PEAK1: variants seen among roughly 807,000 people sequenced by gnomAD.
PEAK1 encodes pseudopodium enriched atypical kinase 1.
In PEAK1, 54 loss-of-function variants were observed where a neutral mutation model predicts 124.7. The observed-to-expected ratio is 0.43, with a 90% CI of 0.35 to 0.54. The LOEUF (loss-of-function observed/expected upper bound fraction) is 0.54. Among genes scored for constraint, PEAK1 ranks in the 20% least tolerant of loss-of-function variants. PEAK1 has a pLI of 0.01. For missense variants in PEAK1, 2,046 were observed against 2,134.5 expected, an observed-to-expected ratio of 0.96 and a Z score of 0.82; for synonymous variants, 719 against 760.0, an observed-to-expected ratio of 0.95 and a Z score of 0.89.
At chr15:77,386,034 G>T (rs1170564733) in intron 1 of PEAK1, among the ~76,000 whole-genome samples, 4 of 152,154 alleles carry the variant, frequency 2.6e-5, no homozygotes, top group African/African-American at 9.7e-5. Context: ...TCATAGAACT[G>T]CTATGAGGAT....
chr15:77,295,882 G>A (rs911578866), intron 2 of PEAK1, among the ~76,000 whole-genome samples: 1 of 152,146 alleles, frequency 6.6e-6, no homozygotes, highest in African/African-American at 2.4e-5. Context: ...AGCTTCATCA[G>A]CTAAAGCTTC....
intron 7 of PEAK1, among the ~76,000 whole-genome samples, chr15:77,175,192 G>A (rs2056775720): frequency 6.6e-6 from 1 of 152,042 alleles, no homozygotes; most frequent in Non-Finnish European, 1.5e-5. Flanking sequence ...ATAGGCATGG[G>A]CAAGGACTTC....
At chr15:77,148,301 A>T (rs553623237) in intron 8 of PEAK1, among the ~76,000 whole-genome samples, 1 of 152,278 alleles carries the variant, frequency 6.6e-6, no homozygotes, top group South Asian at 2.1e-4. Context: ...TGTTTTTTTT[A>T]AATGGAGTTT....
At chr15:77,204,336 G>A (rs1424372650) in intron 6 of PEAK1, among the ~76,000 whole-genome samples, 1 of 152,170 alleles carries the variant, frequency 6.6e-6, no homozygotes, top group Non-Finnish European at 1.5e-5. Context: ...AGACAGTATG[G>A]CAGTTTCTTG....
At position 77,112,545 on chromosome 15, in the gene PEAK1, A is replaced by G. The variant is rs2051036303; in HGVS notation, c.*1611T>C. 6.6e-6 allele frequency: 1 copy of G among 152,256 alleles called. No individual in the cohort carries two copies. Among genetic ancestry groups the G allele is most frequent in the African/African-American group, 2.4e-5 (1 of 41,470 alleles). The allele number at this position is 152,256 out of a possible 1,614,324, so 9.4% of individuals were successfully genotyped here. A position where few individuals can be genotyped will look rare whatever the true frequency, so the allele number is the denominator to read the frequency against. ...TTCCAGCATGCGTGTGCACGCACAC[A>G]TGGGCACACAAGTGTACACACACAT... On this transcript the variant is annotated 3_prime_UTR_variant, in exon 10 of 10. Transcript: ENST00000682557.
intron 2 of PEAK1, chr15:77,349,286 G>A (rs926857995): frequency 8.7e-5 from 65 of 743,112 alleles, no homozygotes; most frequent in East Asian, 2.6e-4. Flanking sequence ...CGATCTGCCC[G>A]CCTCGGCCTC....
intron 1 of PEAK1, chr15:77,401,579 T>C (rs2071380491): frequency 1.0e-6 from 1 of 980,000 alleles, no homozygotes; most frequent in Non-Finnish European, 1.2e-6. Context: ...TTGTAGCTTA[T>C]AGATCAATTA....
intron 7 of PEAK1, among the ~76,000 whole-genome samples, chr15:77,171,928 G>A (rs199633958): frequency 6.6e-6 from 1 of 151,984 alleles, no homozygotes; most frequent in East Asian, 1.9e-4. Context: ...CAACTGAATT[G>A]CCTTATTTGC....
chr15:77,371,272 C>A, intron 1 of PEAK1: 1 of 957,012 alleles, frequency 1.0e-6, no homozygotes, highest in Non-Finnish European at 1.2e-6. Flanking sequence ...TACCTAAATA[C>A]CTGTTGAATT....
intron 6 of PEAK1, among the ~76,000 whole-genome samples, chr15:77,249,200 T>A (rs1407629347): frequency 1.3e-5 from 2 of 150,560 alleles, no homozygotes. Flanking sequence ...TTTTCCTAAA[T>A]GAAGGCATTG....
rs1486916866 is a variant in PEAK1, at chr15:77,110,892, T to G, written c.*3264A>C. On this transcript the variant is annotated 3_prime_UTR_variant, in exon 10 of 10. Coordinates refer to ENST00000682557, the MANE Select transcript of PEAK1 (RefSeq NM_001385026.1). ...CTCACCTCAGCCAGCACAGGAGGCT[T>G]CTTGAAGTTCTAGTCCTCTTTATGA... is the stretch of plus-strand genomic sequence containing the variant. The G allele has an allele frequency of 6.6e-6, 1 of 152,252 alleles. No individual in the cohort carries two copies. The highest frequency in any genetic ancestry group is 2.4e-5 in the African/African-American group (1 of 41,460). 9.4% of individuals were successfully genotyped at this position (152,252 alleles called of 1,614,324 possible).
intron 6 of PEAK1, among the ~76,000 whole-genome samples, chr15:77,208,962 T>C (rs1421286917): frequency 1.3e-5 from 2 of 152,360 alleles, no homozygotes; most frequent in South Asian, 2.1e-4. Flanking sequence ...CTTTCCATTG[T>C]ACTAATTTTT....
At chr15:77,200,245 C>T (rs796146954) in intron 6 of PEAK1, among the ~76,000 whole-genome samples, 40 of 152,254 alleles carry the variant, frequency 2.6e-4, no homozygotes, top group African/African-American at 8.7e-4. Flanking sequence ...TTCTTAATAG[C>T]ATTTTTTCTC....
chr15:77,152,884 G>A (rs1342113390), intron 8 of PEAK1, among the ~76,000 whole-genome samples: 10 of 151,762 alleles, frequency 6.6e-5, no homozygotes, highest in Non-Finnish European at 1.0e-4. Flanking sequence ...TGCTGGATTC[G>A]GTTTGCCAGT....
intron 9 of PEAK1, among the ~76,000 whole-genome samples, chr15:77,116,915 A>G (rs1035604767): frequency 2.0e-5 from 3 of 152,178 alleles, no homozygotes; most frequent in Non-Finnish European, 4.4e-5. Context: ...TATCTCTGGA[A>G]AGCTCTCGAA....
At position 77,179,955 on chromosome 15, in the gene PEAK1, T is replaced by C. The variant is rs746176172; in HGVS notation, c.1972A>G (p.Thr658Ala). Residue 658 changes from threonine to alanine, a missense_variant, in exon 7 of 10, where the codon ACA becomes GCA. Coordinates refer to ENST00000682557, the MANE Select transcript of PEAK1 (RefSeq NM_001385026.1). ...TCATAAGTATGGCTTATTACACTTGTGGTTTTTTCCTTCACTGAGAGTTCT... is the reference window on the plus strand; with the variant it reads ...TCATAAGTATGGCTTATTACACTTGCGGTTTTTTCCTTCACTGAGAGTTCT... ...SGELSVKEKT[T>A]SVISHTYEEI... 5.0e-6 allele frequency: 8 copies of C among 1,614,032 alleles called. No homozygotes were observed. In the African/African-American group the frequency reaches 1.1e-4, roughly 22 times the overall value.
intron 5 of PEAK1, among the ~76,000 whole-genome samples, chr15:77,260,451 T>C (rs993626439): frequency 4.6e-5 from 7 of 151,680 alleles, no homozygotes; most frequent in Admixed American, 1.3e-4. Flanking sequence ...CCAGAAATGA[T>C]AGAAATGATA....
intron 8 of PEAK1, among the ~76,000 whole-genome samples, chr15:77,144,878 T>C (rs536573702): frequency 1.3e-5 from 2 of 152,356 alleles, no homozygotes; most frequent in South Asian, 2.1e-4. Context: ...CTTAGCTGTT[T>C]TTATTTTAAA....
At chr15:77,290,283 C>T (rs757747602) in intron 2 of PEAK1, among the ~76,000 whole-genome samples, 17 of 152,208 alleles carry the variant, frequency 1.1e-4, no homozygotes, top group Non-Finnish European at 1.6e-4. Flanking sequence ...CAGCACCATG[C>T]CTGGCTAATT....
Sources: allele counts gnomAD v4.1 joint callset (sites outside exome capture counted in the v4.1 genomes callset), GRCh38; gene constraint gnomAD v4.1.1; transcripts MANE v1.5; gene names NCBI Gene and HGNC (gene_info 2026-07-23, HGNC 2026-07-21).